The following SLC14A2 variants were observed in gnomAD, a reference collection of about 807,000 sequenced individuals.
SLC14A2 encodes the protein urea transporter 2.
SLC14A2 carries 91 observed loss-of-function variants against 104.6 expected under a neutral mutation model. The ratio of observed to expected loss-of-function variants is 0.87; its 90% confidence interval spans 0.73 to 1.04. The LOEUF is 1.04. SLC14A2 is among the 50% of genes least tolerant of loss of function. The pLI is 0.00. For synonymous variants in SLC14A2, 476 were observed against 466.4 expected (o/e 1.02, Z -0.27); for missense variants, 1,189 against 1,156.0 (o/e 1.03, Z -0.41).
chr18:45,600,983 A>G (rs1287336233), intron 2 of SLC14A2, among the ~76,000 whole-genome samples: 1 of 152,176 alleles, frequency 6.6e-6, no homozygotes. Context: ...TATTCTGCCC[A>G]GGGTCATAAT....
At chr18:45,650,947 C>T (rs950109510) in intron 10 of SLC14A2, among the ~76,000 whole-genome samples, 11 of 151,992 alleles carry the variant, frequency 7.2e-5, no homozygotes, top group Admixed American at 3.3e-4. Flanking sequence ...CCATGTTGGC[C>T]GGGCTGGTCT....
At chr18:45,498,488 C>T (rs1038593459) in intron 2 of SLC14A2, among the ~76,000 whole-genome samples, 26 of 152,202 alleles carry the variant, frequency 1.7e-4, no homozygotes, top group Admixed American at 1.3e-3. Context: ...TGTCACTTGC[C>T]GTTTGCTGCA....
chr18:45,663,636 T>G, intron 10 of SLC14A2, 149 bp from the exon 11 acceptor site: 2 of 792,370 alleles, frequency 2.5e-6, no homozygotes, highest in Non-Finnish European at 4.0e-6. Context: ...AAGTGTTTTA[T>G]GCAGAGACTG....
At chr18:45,280,096 C>T (rs1413675488) in intron 1 of SLC14A2, among the ~76,000 whole-genome samples, 1 of 152,170 alleles carries the variant, frequency 6.6e-6, no homozygotes, top group Non-Finnish European at 1.5e-5. Flanking sequence ...GTGCTGCGTA[C>T]TGTTCACTCC....
At position 45,214,021 on chromosome 18, in the gene SLC14A2, G is replaced by T. The variant is rs1262944277; in HGVS notation, c.-125+830G>T. Among the ~76,000 whole-genome samples the T allele has an allele frequency of 2.0e-5, 3 of 152,320 alleles. No homozygotes were observed. In the South Asian group the frequency reaches 6.2e-4, roughly 32 times the overall value. On this transcript the variant is annotated intron_variant, in intron 1 of 20. Transcript: ENST00000586448. ...TCCCCACCTGCCAGGATAAAAGGAA[G>T]GGTATAGGTAGGAAAAGGGTATGCA...
At chr18:45,526,506 G>C (rs2144820406) in intron 2 of SLC14A2, among the ~76,000 whole-genome samples, 1 of 152,284 alleles carries the variant, frequency 6.6e-6, no homozygotes, top group African/African-American at 2.4e-5. Flanking sequence ...GAGTCAAGTA[G>C]CTTGTAATTT....
chr18:45,340,885 A>G (rs1459545998), intron 1 of SLC14A2, among the ~76,000 whole-genome samples: 1 of 152,198 alleles, frequency 6.6e-6, no homozygotes. Flanking sequence ...ACAACCTGCA[A>G]CCCCAAAGGG....
intron 2 of SLC14A2, among the ~76,000 whole-genome samples, chr18:45,495,127 G>A (rs139767725): frequency 5.3e-5 from 8 of 152,038 alleles, no homozygotes; most frequent in Admixed American, 2.0e-4. Context: ...TCTCTCTCTC[G>A]TCCCTACCTC....
chr18:45,321,333 G>A (rs1298520098), intron 1 of SLC14A2, among the ~76,000 whole-genome samples: 4 of 152,186 alleles, frequency 2.6e-5, no homozygotes, highest in Admixed American at 2.0e-4. Context: ...ATTGTCATAC[G>A]ATTTTATGAA....
intron 1 of SLC14A2, among the ~76,000 whole-genome samples, chr18:45,415,710 A>G (rs1456296796): frequency 1.3e-5 from 2 of 152,152 alleles, no homozygotes; most frequent in African/African-American, 4.8e-5. Context: ...TGCTGGTTTA[A>G]TAGGCTGCCC....
intron 1 of SLC14A2, among the ~76,000 whole-genome samples, chr18:45,465,214 G>A (rs539104620): frequency 6.6e-6 from 1 of 152,302 alleles, no homozygotes; most frequent in African/African-American, 2.4e-5. Context: ...CTGTCACAGT[G>A]TCATCCCCTT....
chr18:45,387,301 T>G lies in SLC14A2; in HGVS notation c.-124-95932T>G, dbSNP rs2085908374. On this transcript the variant is annotated intron_variant, in intron 1 of 20. Coordinates refer to the SLC14A2 transcript ENST00000586448. ...ATTTCAAAGTATTAAACCCATAGCT[T>G]GCCACAACTCCTCAGCCAGAATTAA... 3.9e-5 allele frequency among the ~76,000 whole-genome samples: 6 copies of G among 152,170 alleles called. No homozygotes were observed. In the South Asian group the frequency reaches 1.2e-3, roughly 32 times the overall value.
At chr18:45,481,906 T>C (rs981291290) in intron 1 of SLC14A2, among the ~76,000 whole-genome samples, 4 of 152,200 alleles carry the variant, frequency 2.6e-5, no homozygotes, top group African/African-American at 9.7e-5. Context: ...TATCTCATAG[T>C]TTTCAAGATT....
At chr18:45,499,790 T>G (rs2043162324) in intron 2 of SLC14A2, among the ~76,000 whole-genome samples, 1 of 152,166 alleles carries the variant, frequency 6.6e-6, no homozygotes, top group African/African-American at 2.4e-5. Flanking sequence ...AGACTGGAGA[T>G]GATCATAGGT....
intron 1 of SLC14A2, among the ~76,000 whole-genome samples, chr18:45,225,597 C>T (rs1433748316): frequency 1.3e-5 from 2 of 152,128 alleles, no homozygotes; most frequent in South Asian, 2.1e-4. Flanking sequence ...TGGCCATTCT[C>T]ATGATATTGA....
chr18:45,270,257 T>G (rs1415512944), intron 1 of SLC14A2, among the ~76,000 whole-genome samples: 1 of 152,120 alleles, frequency 6.6e-6, no homozygotes, highest in Non-Finnish European at 1.5e-5. Flanking sequence ...CTTTTCCCAC[T>G]TTTCTACTGG....
intron 1 of SLC14A2, among the ~76,000 whole-genome samples, chr18:45,398,436 T>C (rs935337017): frequency 2.6e-5 from 4 of 152,216 alleles, no homozygotes; most frequent in Admixed American, 1.3e-4. Context: ...AGGTTTTGCA[T>C]GAAACAATAG....
At chr18:45,419,712 T>C (rs1292562282) in intron 1 of SLC14A2, among the ~76,000 whole-genome samples, 6 of 151,648 alleles carry the variant, frequency 4.0e-5, no homozygotes, top group African/African-American at 1.2e-4. Context: ...AGGCAGAGGT[T>C]GCAGTGGGCT....
At chr18:45,256,444 A>T (rs2084479331) in intron 1 of SLC14A2, among the ~76,000 whole-genome samples, 1 of 152,152 alleles carries the variant, frequency 6.6e-6, no homozygotes, top group Non-Finnish European at 1.5e-5. Context: ...AACTCCTGAT[A>T]GGTGTGTTGT....
Sources: allele counts gnomAD v4.1 joint callset (sites outside exome capture counted in the v4.1 genomes callset), GRCh38; gene constraint gnomAD v4.1.1; transcripts MANE v1.5; gene names NCBI Gene and HGNC (gene_info 2026-07-23, HGNC 2026-07-21).